The following NBAS variants were observed in gnomAD, a reference collection of about 807,000 sequenced individuals.
NBAS encodes NAG/BC035112 fusion.
Under a neutral mutation model 302.5 loss-of-function variants are expected in NBAS, and 219 were observed. The observed-to-expected ratio is 0.72, with a 90% confidence interval of 0.65 to 0.81. The LOEUF (loss-of-function observed/expected upper bound fraction) is 0.81, where lower values mean the gene tolerates loss of function less well. Among genes scored for constraint, NBAS ranks in the 30% least tolerant of loss-of-function variants. The pLI is 0.00. For missense variants in NBAS, 2,932 were observed against 2,841.6 expected, an observed-to-expected ratio of 1.03 and a Z score of -0.72; for synonymous variants, 1,118 against 1,021.6, an observed-to-expected ratio of 1.09 and a Z score of -1.80.
chr2:15,543,530 T>A (rs937532065), intron 6 of NBAS, among the ~76,000 whole-genome samples: 4 of 149,254 alleles, frequency 2.7e-5, no homozygotes, highest in Non-Finnish European at 5.9e-5. Context: ...GAAAGAGGTT[T>A]AATTGAATTT....
chr2:15,258,848 G>C (rs976217726), intron 44 of NBAS, among the ~76,000 whole-genome samples: 3 of 152,046 alleles, frequency 2.0e-5, no homozygotes, highest in African/African-American at 7.3e-5. Context: ...TGTGATCTTT[G>C]TGACCTACTC....
chr2:15,104,855 G>C, the NBAS span, among the ~76,000 whole-genome samples: 1 of 151,984 alleles, frequency 6.6e-6, no homozygotes. Flanking sequence ...GTCTTCTTTT[G>C]AGAAGTGTCT....
At chr2:14,873,856 T>G in the NBAS span, among the ~76,000 whole-genome samples, 1 of 151,786 alleles carries the variant, frequency 6.6e-6, no homozygotes, top group African/African-American at 2.4e-5. Flanking sequence ...TTTTTTTTAC[T>G]AAAAAAGTAT....
chr2:14,787,149 C>CT, the NBAS span, among the ~76,000 whole-genome samples: 10 of 152,002 alleles, frequency 6.6e-5, no homozygotes, highest in Admixed American at 2.6e-4. Context: ...GCAACCCCTG[C>CT]TTTTTTTTGT....
intron 28 of NBAS, among the ~76,000 whole-genome samples, chr2:15,393,146 T>C (rs1675690225): frequency 6.6e-6 from 1 of 151,954 alleles, no homozygotes; most frequent in Admixed American, 6.6e-5. Context: ...ACCAAAACTT[T>C]GTTAACAAAG....
intron 38 of NBAS, among the ~76,000 whole-genome samples, chr2:15,319,240 T>A (rs201730950): frequency 6.6e-6 from 1 of 152,034 alleles, no homozygotes; most frequent in East Asian, 1.9e-4. Flanking sequence ...CTGGGACACA[T>A]TTAAAGCAGT....
At chr2:14,952,073 A>G in the NBAS span, among the ~76,000 whole-genome samples, 1 of 151,890 alleles carries the variant, frequency 6.6e-6, no homozygotes, top group Non-Finnish European at 1.5e-5. Context: ...CACTCCCTCT[A>G]CCTCTCAGAA....
intron 35 of NBAS, 120 bp downstream of exon 35, chr2:15,351,870 GCA>G (rs10605991): frequency 0.049 from 33,730 of 686,772 alleles, 33 homozygotes; most frequent in East Asian, 0.17. Flanking sequence ...TGGTCTGCAT[GCA>G]CACACACACA....
chr2:15,212,462 T>G (rs764464227), intron 48 of NBAS, among the ~76,000 whole-genome samples: 7 of 152,166 alleles, frequency 4.6e-5, no homozygotes, highest in Non-Finnish European at 8.8e-5. Flanking sequence ...CTGAACTCAG[T>G]TTCAGTATCA....
chr2:14,930,527 A>T, the NBAS span, among the ~76,000 whole-genome samples: 1 of 152,220 alleles, frequency 6.6e-6, no homozygotes, highest in African/African-American at 2.4e-5. Context: ...CTGATAGAAC[A>T]GAATTGAGGG....
chr2:15,260,420 T>C (rs956464708), intron 44 of NBAS, among the ~76,000 whole-genome samples: 1 of 152,210 alleles, frequency 6.6e-6, no homozygotes, highest in African/African-American at 2.4e-5. Context: ...AACCAGTATC[T>C]TGCATGAGCA....
At chr2:15,083,944 G>C in the NBAS span, among the ~76,000 whole-genome samples, 2 of 152,106 alleles carry the variant, frequency 1.3e-5, no homozygotes, top group Non-Finnish European at 2.9e-5. Flanking sequence ...CAAAAATGCA[G>C]ACTAGGTTTG....
At chr2:15,040,253 C>T in the NBAS span, among the ~76,000 whole-genome samples, 4 of 152,292 alleles carry the variant, frequency 2.6e-5, no homozygotes, top group East Asian at 7.7e-4. Context: ...AACCTCGCCA[C>T]AGTCCAGCAA....
chr2:15,408,369 A>T (rs764836081), intron 25 of NBAS, among the ~76,000 whole-genome samples: 4 of 152,146 alleles, frequency 2.6e-5, no homozygotes, highest in Non-Finnish European at 5.9e-5. Flanking sequence ...CTTGCTTTTA[A>T]TACTTCCCAT....
At chr2:14,874,095 A>G in the NBAS span, among the ~76,000 whole-genome samples, 1 of 152,228 alleles carries the variant, frequency 6.6e-6, no homozygotes, top group Non-Finnish European at 1.5e-5. Context: ...CTACTAATAT[A>G]GAGAATGAGT....
At chr2:15,267,168 T>C (rs1669115187) in intron 44 of NBAS, among the ~76,000 whole-genome samples, 1 of 152,254 alleles carries the variant, frequency 6.6e-6, no homozygotes, top group Non-Finnish European at 1.5e-5. Context: ...TCTTATCTTA[T>C]AGTTCATTCA....
intron 33 of NBAS, among the ~76,000 whole-genome samples, chr2:15,354,959 C>T (rs1673541350): frequency 6.6e-6 from 1 of 152,144 alleles, no homozygotes; most frequent in Admixed American, 6.6e-5. Context: ...CTTAATTTTC[C>T]ACCCACTGAC....
the NBAS span, among the ~76,000 whole-genome samples, chr2:14,834,309 A>G: frequency 1.3e-5 from 2 of 152,186 alleles, no homozygotes; most frequent in Admixed American, 6.5e-5. Flanking sequence ...TTTGCTGTGG[A>G]ATCACATTTA....
At chr2:15,364,042 T>C (rs919008645) in intron 32 of NBAS, among the ~76,000 whole-genome samples, 6 of 152,162 alleles carry the variant, frequency 3.9e-5, no homozygotes, top group Non-Finnish European at 4.4e-5. Flanking sequence ...CTCTTACCAA[T>C]AGCCATAAAG....
Sources: gnomAD v4.1 joint callset for allele counts (sites outside exome capture counted in the v4.1 genomes callset) on GRCh38, gnomAD v4.1.1 for gene constraint, MANE v1.5 for transcripts, NCBI Gene and HGNC (gene_info 2026-07-23, HGNC 2026-07-21) for gene names.